Variants in WRN observed in about 807,000 individuals in gnomAD.
WRN encodes WRN RecQ like helicase.
WRN carries 149 observed loss-of-function variants against 180.7 expected under a neutral mutation model. The observed-to-expected ratio is 0.82, with a 90% confidence interval of 0.72 to 0.94. The LOEUF (loss-of-function observed/expected upper bound fraction) is 0.94. Ranked by LOEUF, WRN falls within the 40% of genes least tolerant of loss-of-function variation. The pLI, the probability that WRN is intolerant of heterozygous loss-of-function variation, is 0.00. For missense variants in WRN, 1,661 were observed against 1,700.1 expected, an observed-to-expected ratio of 0.98 and a Z score of 0.40; for synonymous variants, 548 against 568.9, an observed-to-expected ratio of 0.96 and a Z score of 0.52.
rs146181106 is a variant in WRN at position 31,152,705 on chromosome 8, A to C, written c.3688-1919A>C. Among the ~76,000 whole-genome samples, 141 of 152,336 alleles carry C rather than the reference A, an allele frequency of 9.3e-4. 1 individual carries two copies. The East Asian group carries it at 0.023, about 25-fold the overall frequency. Reference sequence around the variant, plus strand: ...GTTTAATTGTCAAGGAAAATGCCTCAACTTAATCTTTGTTAAGAGACTACT... The same window carrying C: ...GTTTAATTGTCAAGGAAAATGCCTCCACTTAATCTTTGTTAAGAGACTACT... On this transcript the variant is annotated intron_variant, in intron 31 of 34. Coordinates refer to ENST00000298139, the MANE Select transcript of WRN (RefSeq NM_000553.6).
intron 23 of WRN, among the ~76,000 whole-genome samples, chr8:31,126,849 G>A (rs889266124): frequency 2.0e-5 from 3 of 152,036 alleles, no homozygotes; most frequent in African/African-American, 7.2e-5. Flanking sequence ...CAAGACTGAC[G>A]GAAAGAGAAA....
intron 23 of WRN, among the ~76,000 whole-genome samples, chr8:31,131,174 CAG>C (rs1802155150): frequency 3.3e-4 from 2 of 6,048 alleles, no homozygotes; most frequent in South Asian, 6.8e-3. Flanking sequence ...TTTTTTGAGA[CAG>C]AGTTTTGCTC....
chr8:31,110,246 C>A (rs1487030789), intron 18 of WRN, among the ~76,000 whole-genome samples: 1 of 152,110 alleles, frequency 6.6e-6, no homozygotes, highest in Admixed American at 6.6e-5. Context: ...AGAAACCAAC[C>A]TCTTTATAGA....
chr8:31,108,758 T>G (rs1428823077), intron 18 of WRN, among the ~76,000 whole-genome samples: 2 of 151,958 alleles, frequency 1.3e-5, no homozygotes, highest in Non-Finnish European at 2.9e-5. Flanking sequence ...GGAGGGTAAC[T>G]GTTCATGAAA....
rs1382731683 is a variant in WRN at position 31,080,228 on chromosome 8, T to G, written c.840-639T>G. Among the ~76,000 whole-genome samples, 9 of 152,316 alleles carry G rather than the reference T, an allele frequency of 5.9e-5. No individual in the cohort carries two copies. The East Asian group carries it at 1.7e-3, about 29-fold the overall frequency. ...TGTTAATGTTTGTTTGTTCCCAATA[T>G]TTTTATATATGTCAAGGCTTTTTCA... On this transcript the variant is annotated intron_variant, in intron 8 of 34. Transcript: ENST00000298139.
rs150610412 is a variant in WRN, at chr8:31,092,282, G to A, written c.1898+384G>A. On this transcript the variant is annotated intron_variant, in intron 16 of 34. Coordinates refer to ENST00000298139, the MANE Select transcript of WRN (RefSeq NM_000553.6). ...ATATAAAGATTTGTCTCATTTTATA[G>A]ATGAGAAAACTGAGGCTCAGAGACA... Among the ~76,000 whole-genome samples, 848 of 152,090 alleles carry A rather than the reference G, an allele frequency of 5.6e-3. 9 individuals carry two copies. The highest frequency in any genetic ancestry group is 0.019 in the African/African-American group (797 of 41,496).
intron 17 of WRN, among the ~76,000 whole-genome samples, chr8:31,097,093 G>A (rs1421149412): frequency 1.3e-5 from 2 of 152,018 alleles, no homozygotes; most frequent in Non-Finnish European, 2.9e-5. Context: ...GTTTTCTTCT[G>A]CTAGGCTATA....
At chr8:31,170,108 T>C (rs1322334991) in intron 34 of WRN, among the ~76,000 whole-genome samples, 2 of 152,236 alleles carry the variant, frequency 1.3e-5, no homozygotes, top group South Asian at 2.1e-4. Flanking sequence ...CAGGTCTTAA[T>C]TGCTGTTGGT....
At chr8:31,159,346 A>G (rs923860173) in intron 33 of WRN, among the ~76,000 whole-genome samples, 1 of 151,752 alleles carries the variant, frequency 6.6e-6, no homozygotes, top group African/African-American at 2.4e-5. Context: ...GCTGGGGACT[A>G]CTGAGGGGAG....
Position 31,109,813 on chromosome 8 carries a change from A to G in WRN, c.2089-1802A>G, listed in dbSNP as rs562997494. On this transcript the variant is annotated intron_variant, in intron 18 of 34. Transcript: ENST00000298139. ...AATCTCACATCTAGTAAGTGGCAAAAACAGGATTTCAGCTCAAGCAATCTG... is the reference window on the plus strand; with the variant it reads ...AATCTCACATCTAGTAAGTGGCAAAGACAGGATTTCAGCTCAAGCAATCTG... Among the ~76,000 whole-genome samples, 3 of 152,306 alleles carry G rather than the reference A, an allele frequency of 2.0e-5. No individual in the cohort carries two copies. In the South Asian group the frequency reaches 6.2e-4, roughly 32 times the overall value.
At chr8:31,159,025 G>C (rs1049422710) in intron 33 of WRN, among the ~76,000 whole-genome samples, 1 of 152,076 alleles carries the variant, frequency 6.6e-6, no homozygotes, top group Admixed American at 6.6e-5. Context: ...CAGGCCGGGC[G>C]TGGTGGCTTG....
chr8:31,163,774 A>G (rs1803731584), intron 33 of WRN, among the ~76,000 whole-genome samples: 1 of 152,202 alleles, frequency 6.6e-6, no homozygotes, highest in African/African-American at 2.4e-5. Flanking sequence ...TTGTACATAC[A>G]ATATGAAAAA....
At chr8:31,048,320 G>C (rs910309576) in intron 1 of WRN, among the ~76,000 whole-genome samples, 1 of 152,170 alleles carries the variant, frequency 6.6e-6, no homozygotes, top group Non-Finnish European at 1.5e-5. Flanking sequence ...TCTTTAATTA[G>C]AGAATTTAAT....
chr8:31,114,755 A>T (rs982153767), intron 19 of WRN, among the ~76,000 whole-genome samples: 3 of 151,644 alleles, frequency 2.0e-5, no homozygotes, highest in Admixed American at 6.6e-5. Context: ...ATTTATGCAA[A>T]TTTTTTTTCA....
At chr8:31,086,950 T>G (rs117015065) in intron 11 of WRN, among the ~76,000 whole-genome samples, 3,125 of 152,292 alleles carry the variant, frequency 0.021, 55 homozygotes, top group Middle Eastern at 0.034. Context: ...ATTAGAGAAC[T>G]CTATTTTAAA....
At chr8:31,045,235 A>G (rs1204533780) in intron 1 of WRN, among the ~76,000 whole-genome samples, 1 of 152,178 alleles carries the variant, frequency 6.6e-6, no homozygotes, top group Non-Finnish European at 1.5e-5. Context: ...TACGGTGTAC[A>G]ACATGATGTT....
rs1316592916 is a variant in WRN at position 31,130,583 on chromosome 8, C to A, written c.2826-1782C>A. ...TAATCTTTTTGTCATATTTTACAGT[C>A]GTTAGCGTTTAACAATTTATAGCAT... On this transcript the variant is annotated intron_variant, in intron 23 of 34. Coordinates refer to ENST00000298139, the MANE Select transcript of WRN (RefSeq NM_000553.6). Among the ~76,000 whole-genome samples, 3 of 148,180 alleles carry A rather than the reference C, an allele frequency of 2.0e-5. No individual in the cohort carries two copies. The East Asian group carries it at 5.9e-4, about 29-fold the overall frequency.
intron 23 of WRN, chr8:31,131,479 C>G (rs1802169900): frequency 6.6e-6 from 1 of 152,362 alleles, no homozygotes; most frequent in Non-Finnish European, 1.5e-5. Context: ...CTAATTGAGA[C>G]TGTCTTCTTG....
chr8:31,083,166 A>T (rs1813387723), intron 9 of WRN, among the ~76,000 whole-genome samples: 1 of 152,174 alleles, frequency 6.6e-6, no homozygotes, highest in Non-Finnish European at 1.5e-5. Flanking sequence ...TCATACCCAA[A>T]CATTGGCAAT....
Sources: allele counts gnomAD v4.1 joint callset (sites outside exome capture counted in the v4.1 genomes callset), GRCh38; gene constraint gnomAD v4.1.1; transcripts MANE v1.5; gene names NCBI Gene and HGNC (gene_info 2026-07-23, HGNC 2026-07-21).